The following GPC5 variants were observed in gnomAD, a reference collection of about 807,000 sequenced individuals.
GPC5 encodes the protein glypican 5.
In GPC5, 47 loss-of-function variants were observed where a neutral mutation model predicts 53.9. That is an observed-to-expected ratio of 0.87 (90% CI 0.69 to 1.11). The LOEUF (loss-of-function observed/expected upper bound fraction) is 1.11, where lower values mean the gene tolerates loss of function less well. Among genes scored for constraint, GPC5 ranks in the 50% most tolerant of loss-of-function variants. The pLI is 0.00. For synonymous variants in GPC5, 286 were observed against 263.3 expected (o/e 1.09, Z -0.84); for missense variants, 748 against 713.1 (o/e 1.05, Z -0.56).
intron 7 of GPC5, among the ~76,000 whole-genome samples, chr13:92,199,097 G>T (rs534606661): frequency 6.6e-6 from 1 of 152,172 alleles, no homozygotes; most frequent in African/African-American, 2.4e-5. Context: ...ATTACAGAGC[G>T]CTCAGTAGTA....
intron 6 of GPC5, among the ~76,000 whole-genome samples, chr13:92,129,064 C>A (rs532391197): frequency 2.0e-5 from 3 of 152,246 alleles, no homozygotes; most frequent in African/African-American, 7.2e-5. Context: ...CATGGCCAAC[C>A]CCCTTGTTCA....
chr13:92,513,046 C>T (rs1880633168), intron 7 of GPC5, among the ~76,000 whole-genome samples: 1 of 152,220 alleles, frequency 6.6e-6, no homozygotes, highest in Non-Finnish European at 1.5e-5. Context: ...AGCCGAGCAG[C>T]AGGGTCACAG....
rs77371716 is a variant in GPC5, at chr13:92,524,486, A to G, written c.1562-341796A>G. 4.1e-3 allele frequency among the ~76,000 whole-genome samples: 623 copies of G among 152,258 alleles called. 4 individuals carry two copies. The highest frequency in any genetic ancestry group is 0.014 in the African/African-American group (582 of 41,570). Reference sequence around the variant, plus strand: ...TTTCAGTATATGGTTGGTTGAATCCATGGATGCTTAACCCATGGATACAAA... The same window carrying G: ...TTTCAGTATATGGTTGGTTGAATCCGTGGATGCTTAACCCATGGATACAAA... On this transcript the variant is annotated intron_variant, in intron 7 of 7. Transcript: ENST00000377067.
At chr13:92,104,246 G>T (rs2041489886) in intron 6 of GPC5, among the ~76,000 whole-genome samples, 1 of 152,096 alleles carries the variant, frequency 6.6e-6, no homozygotes, top group Non-Finnish European at 1.5e-5. Flanking sequence ...TGATTTTGGG[G>T]TTTGTTTTGA....
At chr13:92,320,165 G>T (rs1382184976) in intron 7 of GPC5, among the ~76,000 whole-genome samples, 2 of 151,998 alleles carry the variant, frequency 1.3e-5, no homozygotes, top group African/African-American at 4.8e-5. Context: ...ATTTTCTTTT[G>T]CTATGGCTCT....
At chr13:92,627,641 A>G (rs1885090342) in intron 7 of GPC5, among the ~76,000 whole-genome samples, 1 of 152,204 alleles carries the variant, frequency 6.6e-6, no homozygotes, top group African/African-American at 2.4e-5. Flanking sequence ...ATGATGAGAC[A>G]TATTTATTGA....
At chr13:92,518,486 G>T (rs545444782) in intron 7 of GPC5, among the ~76,000 whole-genome samples, 1 of 152,122 alleles carries the variant, frequency 6.6e-6, no homozygotes, top group Non-Finnish European at 1.5e-5. Context: ...CATTCTTAAA[G>T]AAAAGAATTT....
chr13:92,167,439 CA>C (rs1196931785), intron 7 of GPC5, among the ~76,000 whole-genome samples: 1 of 151,738 alleles, frequency 6.6e-6, no homozygotes, highest in Non-Finnish European at 1.5e-5. Context: ...AAAAGCAATG[CA>C]AATGATTGAA....
At chr13:91,515,795 C>A (rs941048941) in intron 2 of GPC5, among the ~76,000 whole-genome samples, 1 of 152,114 alleles carries the variant, frequency 6.6e-6, no homozygotes, top group Non-Finnish European at 1.5e-5. Flanking sequence ...TCTGTTTTCA[C>A]GCTTCTGATA....
intron 2 of GPC5, among the ~76,000 whole-genome samples, chr13:91,540,164 C>T (rs918974612): frequency 1.2e-4 from 18 of 152,140 alleles, no homozygotes; most frequent in African/African-American, 4.3e-4. Context: ...ATACTTGCTC[C>T]TGGAAGAAAG....
chr13:91,491,440 T>A (rs1883938233), intron 2 of GPC5, among the ~76,000 whole-genome samples: 1 of 152,216 alleles, frequency 6.6e-6, no homozygotes, highest in African/African-American at 2.4e-5. Context: ...ACATGTCCCT[T>A]CTTTATTCCT....
chr13:91,579,494 T>C (rs1486443116), intron 2 of GPC5, among the ~76,000 whole-genome samples: 28 of 152,140 alleles, frequency 1.8e-4, no homozygotes, highest in Non-Finnish European at 2.9e-5. Context: ...TATCCTCAGC[T>C]CTGTCATCTG....
chr13:92,178,866 G>A (rs2042126886), intron 7 of GPC5, among the ~76,000 whole-genome samples: 1 of 152,080 alleles, frequency 6.6e-6, no homozygotes, highest in Admixed American at 6.5e-5. Flanking sequence ...AGCTACTCAG[G>A]AGGCTGAAGC....
At chr13:91,623,716 A>G (rs1204056565) in intron 2 of GPC5, among the ~76,000 whole-genome samples, 1 of 152,140 alleles carries the variant, frequency 6.6e-6, no homozygotes, top group Non-Finnish European at 1.5e-5. Context: ...AACAATACCA[A>G]TCTGCTCTGC....
intron 6 of GPC5, among the ~76,000 whole-genome samples, chr13:92,135,560 T>C (rs1258483729): frequency 6.6e-6 from 1 of 152,124 alleles, no homozygotes; most frequent in Non-Finnish European, 1.5e-5. Context: ...GGAATGGTAA[T>C]GGAGAGACAT....
At chr13:92,628,297 A>C (rs1164712934) in intron 7 of GPC5, among the ~76,000 whole-genome samples, 1 of 12,580 alleles carries the variant, frequency 7.9e-5, no homozygotes, top group East Asian at 1.6e-3. Context: ...TTTTTTTGAG[A>C]TGTAGTCTCG....
At chr13:92,697,828 G>A (rs1268641797) in intron 7 of GPC5, among the ~76,000 whole-genome samples, 1 of 152,126 alleles carries the variant, frequency 6.6e-6, no homozygotes, top group African/African-American at 2.4e-5. Flanking sequence ...TACTGGATGT[G>A]GGTTTGTCAT....
intron 1 of GPC5, among the ~76,000 whole-genome samples, chr13:91,422,805 T>C (rs1878738289): frequency 6.6e-6 from 1 of 152,138 alleles, no homozygotes; most frequent in Non-Finnish European, 1.5e-5. Context: ...AATATGGTTT[T>C]TATAACAGAC....
chr13:92,107,754 C>T (rs1159876073), intron 6 of GPC5, among the ~76,000 whole-genome samples: 2 of 152,142 alleles, frequency 1.3e-5, no homozygotes, highest in Non-Finnish European at 2.9e-5. Context: ...AGGCACTGTA[C>T]AGAATAAAAT....
Sources: gnomAD v4.1 joint callset for allele counts (sites outside exome capture counted in the v4.1 genomes callset) on GRCh38, gnomAD v4.1.1 for gene constraint, MANE v1.5 for transcripts, NCBI Gene and HGNC (gene_info 2026-07-23, HGNC 2026-07-21) for gene names.